Variants in PRR19 observed in about 807,000 individuals in gnomAD.
The protein encoded by PRR19 is proline-rich protein 19.
A neutral mutation model predicts 19.2 loss-of-function variants in PRR19; 9 were observed. That is an observed-to-expected ratio of 0.47 (90% CI 0.28 to 0.82). PRR19 has a LOEUF of 0.82. PRR19 is among the 40% of genes least tolerant of loss of function. The pLI is 0.11. For missense variants in PRR19, 457 were observed against 466.0 expected, an observed-to-expected ratio of 0.98 and a Z score of 0.18; for synonymous variants, 190 against 191.0, an observed-to-expected ratio of 0.99 and a Z score of 0.04.
Position 42,310,739 on chromosome 19 carries a change from G to A in PRR19, c.1070G>A (p.Ter357=). 1 of 1,524,578 alleles carries A rather than the reference G, an allele frequency of 6.6e-7. No individual in the cohort carries two copies. The highest frequency in any genetic ancestry group is 8.8e-7 in the Non-Finnish European group (1 of 1,134,650). The allele number at this position is 1,524,578 out of a possible 1,614,324, so 94.4% of individuals were successfully genotyped here. A position where few individuals can be genotyped will look rare whatever the true frequency, so the allele number is the denominator to read the frequency against. Reference sequence around the variant, plus strand: ...TCTTTTCCACCCATGAGACTGTACTGAGGAGAGGCTGAGGCTAGGGCTGGG... The same window carrying A: ...TCTTTTCCACCCATGAGACTGTACTAAGGAGAGGCTGAGGCTAGGGCTGGG... ...AWSFPPMRLY[*] is the part of the protein sequence containing the mutation. The change falls in exon 3 of 3, where the codon TGA becomes TAA. Residue 357 remains the stop codon, a stop_retained_variant. Coordinates refer to ENST00000341747, the MANE Select transcript of PRR19 (RefSeq NM_199285.3).
At chr19:42,304,727 G>A (rs926037785) in intron 1 of PRR19, among the ~76,000 whole-genome samples, 1 of 142,260 alleles carries the variant, frequency 7.0e-6, no homozygotes, top group African/African-American at 2.6e-5. Context: ...TTCAGCCTGG[G>A]AGACAGAGCG....
At position 42,309,965 on chromosome 19, in the gene PRR19, G is replaced by A; in HGVS notation, c.381G>A (p.Val127=). 1.9e-6 allele frequency: 3 copies of A among 1,613,960 alleles called. No homozygotes were observed. The highest frequency in any genetic ancestry group is 2.5e-6 in the Non-Finnish European group (3 of 1,179,978). ...APRSRDKENQ[V]PGGSGPGPPS... ...GGTCCAGGGACAAAGAGAACCAGGT[G>A]CCTGGAGGTTCGGGCCCAGGCCCAC... The change falls in exon 2 of 3, where the codon GTG becomes GTA. Residue 127 remains valine, a synonymous_variant. Coordinates refer to ENST00000341747, the MANE Select transcript of PRR19 (RefSeq NM_199285.3).
At chr19:42,303,809 G>A (rs1465467498) in intron 1 of PRR19, among the ~76,000 whole-genome samples, 3 of 152,104 alleles carry the variant, frequency 2.0e-5, no homozygotes, top group Non-Finnish European at 4.4e-5. Flanking sequence ...GTGTTTGAGG[G>A]AGAGACAGGG....
chr19:42,309,909 A>G lies in PRR19; in HGVS notation c.325A>G (p.Ser109Gly), dbSNP rs2038766340. The change falls in exon 2 of 3, where the codon AGC becomes GGC. Residue 109 changes from serine to glycine, a missense_variant. Physicochemically the swap from Ser to Gly is moderately conservative, Grantham distance 56. Transcript: ENST00000341747. ...SPTLPAKPSP[S>G]PGRAQEPAPR... ...CACACTCCCCGCCAAGCCCTCCCCA[A>G]GCCCAGGCAGGGCCCAGGAACCAGC... 1 of 1,613,928 alleles carries G rather than the reference A, an allele frequency of 6.2e-7. No homozygotes were observed. Among genetic ancestry groups the G allele is most frequent in the Non-Finnish European group, 8.5e-7 (1 of 1,179,948 alleles).
At chr19:42,304,853 C>G (rs2038691919) in intron 1 of PRR19, among the ~76,000 whole-genome samples, 1 of 148,830 alleles carries the variant, frequency 6.7e-6, no homozygotes, top group African/African-American at 2.5e-5. Flanking sequence ...GTGGCAGTGG[C>G]CCATGATGGT....
At chr19:42,309,357 G>C (rs972412111) in intron 1 of PRR19, 7 of 399,298 alleles carry the variant, frequency 1.8e-5, no homozygotes, top group Non-Finnish European at 2.7e-5. Flanking sequence ...TATAGGTATG[G>C]GCCACTGCGG....
Position 42,309,979 on chromosome 19 carries a change from G to A in PRR19, c.395G>A (p.Gly132Asp). Residue 132 changes from glycine to aspartate, a missense_variant, in exon 2 of 3, where the codon GGC becomes GAC. By Grantham distance (94) the Gly-to-Asp change is moderately conservative. Transcript: ENST00000341747. Reference protein sequence around the residue: ...DKENQVPGGSGPGPPSSPELS... With the variant: ...DKENQVPGGSDPGPPSSPELS... ...GAGAACCAGGTGCCTGGAGGTTCGG[G>A]CCCAGGCCCACCCAGTTCCCCAGAG... 1 of 1,613,980 alleles carries A rather than the reference G, an allele frequency of 6.2e-7. No homozygotes were observed. The highest frequency in any genetic ancestry group is 1.1e-5 in the South Asian group (1 of 91,082).
In PRR19 at chr19:42,309,639, C is replaced by T. The variant is rs765243195; in HGVS notation, c.55C>T (p.Arg19Cys). ...QPFQQPEKPG[R>C]VRRRKTRRER... ...TTTTCAGCAGCCTGAGAAACCTGGT[C>T]GTGTCCGTCGTCGGAAGACTAGGCG... The change falls in exon 2 of 3, where the codon CGT (arginine) becomes TGT (cysteine). Residue 19 changes from arginine (R) to cysteine (C), a missense_variant. Coordinates refer to ENST00000341747, the MANE Select transcript of PRR19 (RefSeq NM_199285.3). 24 of 1,556,474 alleles carry T rather than the reference C, an allele frequency of 1.5e-5. No homozygotes were observed. Among genetic ancestry groups the T allele is most frequent in the African/African-American group, 2.7e-5 (2 of 73,320 alleles).
rs777057286 is a variant in PRR19 at position 42,310,359 on chromosome 19, G to A, written c.690G>A (p.Lys230=). ...DQVPEQERQR[K]QQGTKEFTFP... ...TCCCAGAGCAGGAGAGGCAAAGGAAGCAACAAGGGACAAAGGAGTTCACCT... is the reference window on the plus strand; with the variant it reads ...TCCCAGAGCAGGAGAGGCAAAGGAAACAACAAGGGACAAAGGAGTTCACCT... The change falls in exon 3 of 3, where the codon AAG becomes AAA. Residue 230 remains lysine (K), a synonymous_variant. Transcript: ENST00000341747. 6 of 1,614,008 alleles carry A rather than the reference G, an allele frequency of 3.7e-6. No homozygotes were observed. Among genetic ancestry groups the A allele is most frequent in the Non-Finnish European group, 5.1e-6 (6 of 1,180,006 alleles).
intron 1 of PRR19, among the ~76,000 whole-genome samples, chr19:42,304,901 T>C (rs1443891374): frequency 1.3e-5 from 2 of 148,480 alleles, no homozygotes; most frequent in African/African-American, 5.0e-5. Flanking sequence ...AGTGAGTCCC[T>C]GTCTCCAAAA....
Position 42,310,254 on chromosome 19 carries a change from T to G in PRR19, c.602-17T>G, listed in dbSNP as rs946672796. On this transcript the variant is annotated splice_polypyrimidine_tract_variant and intron_variant, in intron 2 of 2. Transcript: ENST00000341747. Reference sequence around the variant, plus strand: ...CTCTAGCTCAGCTAGCCTCTATGCTTCTTTCCTCTGTGCCAGGGGCCAAGC... The same window carrying G: ...CTCTAGCTCAGCTAGCCTCTATGCTGCTTTCCTCTGTGCCAGGGGCCAAGC... 6.2e-6 allele frequency: 10 copies of G among 1,613,928 alleles called. No homozygotes were observed. In the African/African-American group the frequency reaches 6.7e-5, roughly 11 times the overall value.
chr19:42,302,663 G>A (rs966879361), intron 1 of PRR19, 160 bp downstream of exon 1: 3 of 307,624 alleles, frequency 9.8e-6, no homozygotes, highest in Non-Finnish European at 1.9e-5. Flanking sequence ...GGAGGAGGGA[G>A]AAACCACCCA....
rs1374785739 is a variant in PRR19 at position 42,302,261 on chromosome 19, C to T, written c.-249C>T. The T allele has an allele frequency of 2.5e-6, 4 of 1,606,194 alleles. No homozygotes were observed. The highest frequency in any genetic ancestry group is 2.5e-6 in the Non-Finnish European group (3 of 1,176,862). ...GACATCCAGCGCCCGTCGCCCTGTA[C>T]GTCCTGCACCGGCGTGGGCTTGCTG... On this transcript the variant is annotated 5_prime_UTR_variant, in exon 1 of 3. It adds an upstream start codon to the 5' untranslated region. Transcript: ENST00000341747.
In PRR19 at chr19:42,310,076, G is replaced by T; in HGVS notation, c.492G>T (p.Arg164Ser). The T allele has an allele frequency of 6.2e-7, 1 of 1,614,100 alleles. No individual in the cohort carries two copies. The highest frequency in any genetic ancestry group is 8.5e-7 in the Non-Finnish European group (1 of 1,180,030). Residue 164 changes from arginine to serine, a missense_variant, in exon 2 of 3, where the codon AGG becomes AGT. Physicochemically the swap from Arg to Ser is moderately radical, Grantham distance 110. Coordinates refer to ENST00000341747, the MANE Select transcript of PRR19 (RefSeq NM_199285.3). ...QLSLPQAFPR[R>S]NLIQDARDAI... ...GTTTGCCACAGGCCTTCCCCCGGAG[G>T]AACCTGATTCAGGATGCCAGGGATG...
intron 1 of PRR19, 67 bp downstream of exon 1, chr19:42,302,570 C>G (rs1228866895): frequency 9.1e-6 from 4 of 438,704 alleles, no homozygotes; most frequent in Non-Finnish European, 1.6e-5. Flanking sequence ...CGGCGCTTCC[C>G]GCTCGGGCCG....
In PRR19 at chr19:42,308,573, A is replaced by G. The variant is rs2038743195; in HGVS notation, c.-6-1006A>G. On this transcript the variant is annotated intron_variant, in intron 1 of 2. Transcript: ENST00000341747. ...ACCATCACATACAGCTAATTTTTGT[A>G]TTTTTAGTAGAGACAGGATTTCGGC... Among the ~76,000 whole-genome samples, 4 of 150,604 alleles carry G rather than the reference A, an allele frequency of 2.7e-5. 1 individual carries two copies. The South Asian group carries it at 8.4e-4, about 32-fold the overall frequency.
In PRR19 at chr19:42,309,366, G is replaced by A. The variant is rs922327718; in HGVS notation, c.-6-213G>A. 4.1e-5 allele frequency: 17 copies of A among 417,072 alleles called. No individual in the cohort carries two copies. In the South Asian group the frequency reaches 4.5e-4, roughly 11 times the overall value. The allele number at this position is 417,072 out of a possible 1,614,324, so 25.8% of individuals were successfully genotyped here. A position where few individuals can be genotyped will look rare whatever the true frequency, so the allele number is the denominator to read the frequency against. ...TAGGATTATAGGTATGGGCCACTGC[G>A]GCTGGCCAATTTTTGTATTTTCAGT... On this transcript the variant is annotated intron_variant, in intron 1 of 2. Transcript: ENST00000341747.
At position 42,309,780 on chromosome 19, in the gene PRR19, C is replaced by A; in HGVS notation, c.196C>A (p.Gln66Lys). Residue 66 changes from glutamine to lysine, a missense_variant, in exon 2 of 3, where the codon CAG becomes AAG. Physicochemically the swap from Gln to Lys is moderately conservative, Grantham distance 53. Coordinates refer to ENST00000341747, the MANE Select transcript of PRR19 (RefSeq NM_199285.3). ...PTASKLVVITQGRLSREHRGL... is the reference protein window; with the variant it reads ...PTASKLVVITKGRLSREHRGL... ...TGCCTCCAAGCTCGTGGTCATAACC[C>A]AGGGCCGGCTGAGCCGGGAGCACCG... 1 of 1,613,488 alleles carries A rather than the reference C, an allele frequency of 6.2e-7. No homozygotes were observed. Among genetic ancestry groups the A allele is most frequent in the Non-Finnish European group, 8.5e-7 (1 of 1,179,574 alleles).
chr19:42,304,913 A>G (rs552727479), intron 1 of PRR19, among the ~76,000 whole-genome samples: 1 of 150,524 alleles, frequency 6.6e-6, no homozygotes, highest in African/African-American at 2.4e-5. Flanking sequence ...TCTCCAAAAA[A>G]GAAGTCATAA....
Sources: allele counts gnomAD v4.1 joint callset (sites outside exome capture counted in the v4.1 genomes callset), GRCh38; gene constraint gnomAD v4.1.1; transcripts MANE v1.5; gene names NCBI Gene and HGNC (gene_info 2026-07-23, HGNC 2026-07-21).